PID1: variants seen among roughly 807,000 people sequenced by gnomAD.
The protein encoded by PID1 is PTB-containing, cubilin and LRP1-interacting protein.
Under a neutral mutation model 19.1 loss-of-function variants are expected in PID1, and 10 were observed. That is an observed-to-expected ratio of 0.52 (90% CI 0.32 to 0.89). The LOEUF is 0.89. Among genes scored for constraint, PID1 ranks in the 40% least tolerant of loss-of-function variants. PID1 has a pLI of 0.03. For missense variants in PID1, 248 were observed against 285.3 expected, an observed-to-expected ratio of 0.87 and a Z score of 0.94; for synonymous variants, 130 against 116.0, an observed-to-expected ratio of 1.12 and a Z score of -0.78.
chr2:229,130,609 G>A (rs1417316518), intron 2 of PID1, among the ~76,000 whole-genome samples: 1 of 152,154 alleles, frequency 6.6e-6, no homozygotes, highest in Non-Finnish European at 1.5e-5. Context: ...TGGTGACTAT[G>A]AATTTAGAGG....
intron 1 of PID1, among the ~76,000 whole-genome samples, chr2:229,190,146 C>T (rs62191681): frequency 2.5e-4 from 38 of 152,102 alleles, no homozygotes; most frequent in African/African-American, 8.7e-4. Context: ...TGGCAAGTGA[C>T]GTTGGTTCCC....
intron 2 of PID1, among the ~76,000 whole-genome samples, chr2:229,069,944 C>G (rs2894670): frequency 1 from 152,366 of 152,374 alleles, 76,179 homozygotes; most frequent in Non-Finnish European, 1. Flanking sequence ...GAGGGGGGAA[C>G]AAAACAGAAG....
chr2:229,236,983 CACAT>C (rs202120788), intron 1 of PID1, among the ~76,000 whole-genome samples: 10,886 of 59,492 alleles, frequency 0.18, 484 homozygotes, highest in Non-Finnish European at 0.21. Flanking sequence ...CCTTTACACA[CACAT>C]ACACACACAC....
intron 2 of PID1, among the ~76,000 whole-genome samples, chr2:229,139,134 A>AAGC (rs1559251927): frequency 2.5e-5 from 3 of 117,984 alleles, no homozygotes; most frequent in African/African-American, 3.3e-5. Flanking sequence ...AGAAAGAAAG[A>AAGC]AAGAAAGAAA....
chr2:229,270,916 T>G, intron 1 of PID1, 98 bp downstream of exon 1: 2 of 1,118,238 alleles, frequency 1.8e-6, no homozygotes, highest in South Asian at 3.2e-5. Context: ...AAGATGGTTT[T>G]GGGCAAATCC....
rs1693369122 is a variant in PID1 at position 229,024,548 on chromosome 2, G to C, written c.*1084C>G. On this transcript the variant is annotated 3_prime_UTR_variant, in exon 3 of 3. Coordinates refer to ENST00000392055, the MANE Select transcript of PID1 (RefSeq NM_001100818.2). ...GCAATAAGATTTCCCTTTAGGTTAA[G>C]ATGACATGGGTCTCTAGACAAGCCA... is the stretch of plus-strand genomic sequence containing the variant. 6.6e-6 allele frequency: 1 copy of C among 152,612 alleles called. No individual in the cohort carries two copies. The highest frequency in any genetic ancestry group is 2.4e-5 in the African/African-American group (1 of 41,450). 9.5% of individuals were successfully genotyped at this position (152,612 alleles called of 1,614,324 possible).
At chr2:229,127,504 G>A (rs978456178) in intron 2 of PID1, among the ~76,000 whole-genome samples, 6 of 152,124 alleles carry the variant, frequency 3.9e-5, no homozygotes, top group Non-Finnish European at 7.3e-5. Context: ...CTGAGTAGAG[G>A]GGATCAGAGA....
intron 2 of PID1, among the ~76,000 whole-genome samples, chr2:229,047,631 C>T (rs1221189198): frequency 3.3e-5 from 5 of 152,198 alleles, no homozygotes; most frequent in South Asian, 4.1e-4. Context: ...TTTTATATGC[C>T]TAATGTATGA....
rs527949115 is a variant in PID1, at chr2:229,202,586, C to T, written c.31-46622G>A. 3.9e-5 allele frequency among the ~76,000 whole-genome samples: 6 copies of T among 152,072 alleles called. No homozygotes were observed. The South Asian group carries it at 1.2e-3, about 32-fold the overall frequency. On this transcript the variant is annotated intron_variant, in intron 1 of 2. Transcript: ENST00000392055. Reference sequence around the variant, plus strand: ...ACTGTTCACAAGATACTTTCAGATTCCACCATACCAGCCTCAGGTAAGGCA... The same window carrying T: ...ACTGTTCACAAGATACTTTCAGATTTCACCATACCAGCCTCAGGTAAGGCA...
chr2:229,164,379 G>T (rs1441461507), intron 1 of PID1, among the ~76,000 whole-genome samples: 1 of 152,102 alleles, frequency 6.6e-6, no homozygotes, highest in Non-Finnish European at 1.5e-5. Flanking sequence ...CTAAGAGGGT[G>T]TGAGTCAGTG....
At chr2:229,250,191 C>A (rs1208827550) in intron 1 of PID1, among the ~76,000 whole-genome samples, 1 of 152,198 alleles carries the variant, frequency 6.6e-6, no homozygotes, top group Non-Finnish European at 1.5e-5. Context: ...AAGGTATAAA[C>A]CAAATGATAT....
intron 2 of PID1, among the ~76,000 whole-genome samples, chr2:229,128,319 C>A (rs932753544): frequency 1.3e-5 from 2 of 152,188 alleles, no homozygotes; most frequent in South Asian, 2.1e-4. Flanking sequence ...AAAAATATTT[C>A]TAAATCTTGG....
intron 2 of PID1, among the ~76,000 whole-genome samples, chr2:229,151,128 G>A (rs1490942150): frequency 6.6e-6 from 1 of 151,306 alleles, no homozygotes; most frequent in Non-Finnish European, 1.5e-5. Context: ...TTTTAATTTT[G>A]TATAGTCCAT....
At chr2:229,207,980 T>C (rs1490713886) in intron 1 of PID1, among the ~76,000 whole-genome samples, 1 of 152,182 alleles carries the variant, frequency 6.6e-6, no homozygotes, top group Non-Finnish European at 1.5e-5. Context: ...CTGCTTTCCC[T>C]GAATTTATCC....
chr2:229,245,812 T>A (rs148177661), intron 1 of PID1, among the ~76,000 whole-genome samples: 190 of 152,284 alleles, frequency 1.2e-3, no homozygotes, highest in African/African-American at 4.5e-3. Context: ...CAGTACTTAG[T>A]AGGGCTAAAA....
intron 1 of PID1, among the ~76,000 whole-genome samples, chr2:229,254,613 G>A (rs2106286486): frequency 6.6e-6 from 1 of 152,274 alleles, no homozygotes; most frequent in East Asian, 1.9e-4. Context: ...TTATGACCTT[G>A]GTTATAATTC....
chr2:229,165,875 C>CT (rs1690586816), intron 1 of PID1, among the ~76,000 whole-genome samples: 1 of 116,174 alleles, frequency 8.6e-6, no homozygotes, highest in Non-Finnish European at 2.0e-5. Flanking sequence ...TTTAGATAAC[C>CT]TAAAAAAAAG....
intron 2 of PID1, among the ~76,000 whole-genome samples, chr2:229,143,807 A>G (rs1690068997): frequency 6.6e-6 from 1 of 152,062 alleles, no homozygotes; most frequent in African/African-American, 2.4e-5. Context: ...CTGCTATGTA[A>G]AATGTGCCTT....
intron 1 of PID1, among the ~76,000 whole-genome samples, chr2:229,226,264 C>T (rs1692075945): frequency 6.6e-6 from 1 of 152,186 alleles, no homozygotes; most frequent in Admixed American, 6.5e-5. Context: ...ATCTGTGGCC[C>T]AGTCCAAAAG....
Sources: gnomAD v4.1 joint callset for allele counts (sites outside exome capture counted in the v4.1 genomes callset) on GRCh38, gnomAD v4.1.1 for gene constraint, MANE v1.5 for transcripts, NCBI Gene and HGNC (gene_info 2026-07-23, HGNC 2026-07-21) for gene names.